CSF2RB: variants seen among roughly 807,000 people sequenced by gnomAD.
CSF2RB encodes colony stimulating factor 2 receptor subunit beta, also known as cytokine receptor common subunit beta.
In CSF2RB, 22 loss-of-function variants were observed where a neutral mutation model predicts 67.2. The observed-to-expected ratio is 0.33, with a 90% CI of 0.23 to 0.47. The LOEUF is 0.47. Among genes scored for constraint, CSF2RB ranks in the 20% least tolerant of loss-of-function variants. The pLI is 1.00. For missense variants in CSF2RB, 1,113 were observed against 1,174.5 expected, an observed-to-expected ratio of 0.95 and a Z score of 0.76; for synonymous variants, 507 against 482.9, an observed-to-expected ratio of 1.05 and a Z score of -0.65.
At chr22:36,929,237 A>G (rs1941091754) in intron 4 of CSF2RB, among the ~76,000 whole-genome samples, 165 bp from the exon 5 acceptor site, 1 of 152,202 alleles carries the variant, frequency 6.6e-6, no homozygotes, top group African/African-American at 2.4e-5. Context: ...AGTTTTGCAG[A>G]TGAAGGGCTG....
In CSF2RB at chr22:36,939,795, T is replaced by A. The variant is rs188287231; in HGVS notation, c.*1293T>A. 6.4e-6 allele frequency: 1 copy of A among 155,246 alleles called. No homozygotes were observed. Among genetic ancestry groups the A allele is most frequent in the South Asian group, 1.9e-4 (1 of 5,130 alleles). The allele number at this position is 155,246 out of a possible 1,614,324, so 9.6% of individuals were successfully genotyped here. On this transcript the variant is annotated 3_prime_UTR_variant, in exon 14 of 14. Transcript: ENST00000403662. ...TTATAATGTTGTATATGAGGTTTTA[T>A]GGTGTATGAATATGAATGCTTCTGT...
intron 1 of CSF2RB, among the ~76,000 whole-genome samples, chr22:36,918,757 C>T (rs1310568835): frequency 6.6e-6 from 1 of 152,164 alleles, no homozygotes; most frequent in African/African-American, 2.4e-5. Flanking sequence ...TTTCTTTTTC[C>T]CAGCATATAA....
intron 3 of CSF2RB, among the ~76,000 whole-genome samples, chr22:36,924,037 A>G (rs1041380180): frequency 1.3e-5 from 2 of 152,172 alleles, no homozygotes; most frequent in African/African-American, 4.8e-5. Flanking sequence ...GTAATTAAAT[A>G]GCTGGAACCA....
intron 9 of CSF2RB, 110 bp downstream of exon 9, chr22:36,933,014 G>A (rs184174706): frequency 1.5e-6 from 2 of 1,356,738 alleles, no homozygotes; most frequent in Non-Finnish European, 1.0e-6. Context: ...GGTGACCAGT[G>A]AGAGGTAGCC....
At chr22:36,914,079 C>G (rs530848244) in intron 1 of CSF2RB, among the ~76,000 whole-genome samples, 1 of 152,228 alleles carries the variant, frequency 6.6e-6, no homozygotes, top group South Asian at 2.1e-4. Context: ...CCTGTCCACC[C>G]TGGGCTTCTG....
At position 36,930,751 on chromosome 22, in the gene CSF2RB, C is replaced by A; in HGVS notation, c.933C>A (p.Pro311=). Residue 311 remains proline, a synonymous_variant, in exon 8 of 14, where the codon CCC becomes CCA. Transcript: ENST00000403662. ...GGCACCACTGCCAGATTCCCGTGCC[C>A]GACCCCGCGACCCACGGCCAATACA... ...HTRHHCQIPV[P]DPATHGQYIV... 1 of 1,613,914 alleles carries A rather than the reference C, an allele frequency of 6.2e-7. No homozygotes were observed. Among genetic ancestry groups the A allele is most frequent in the Non-Finnish European group, 8.5e-7 (1 of 1,180,024 alleles).
chr22:36,935,714 T>C (rs1569138842), intron 12 of CSF2RB, 27 bp downstream of exon 12: 1 of 1,603,900 alleles, frequency 6.2e-7, no homozygotes, highest in African/African-American at 1.3e-5. Flanking sequence ...AGGGGCGGAG[T>C]GGGGGCTTCT....
chr22:36,915,246 G>A (rs1235065780), intron 1 of CSF2RB, among the ~76,000 whole-genome samples: 2 of 151,914 alleles, frequency 1.3e-5, no homozygotes, highest in East Asian at 3.9e-4. Flanking sequence ...CACCACACGT[G>A]GCTAATTTTT....
chr22:36,922,177 G>A lies in CSF2RB; in HGVS notation c.-31G>A, dbSNP rs1940888891. 1.3e-6 allele frequency: 2 copies of A among 1,557,082 alleles called. No individual in the cohort carries two copies. The highest frequency in any genetic ancestry group is 2.7e-5 in the African/African-American group (2 of 73,748). On this transcript the variant is annotated 5_prime_UTR_variant, in exon 2 of 14. The change creates a premature stop within an existing upstream ORF in the 5' untranslated region. Transcript: ENST00000403662. The stretch of plus-strand genomic sequence containing the variant: ...CCCATGGCCAGCACCCACCAGTGCT[G>A]GTGCCTGCCTGTCCAGAGCTGACCA...
intron 9 of CSF2RB, 131 bp from the exon 10 acceptor site, chr22:36,933,701 G>C: frequency 7.9e-7 from 1 of 1,269,710 alleles, no homozygotes; most frequent in Non-Finnish European, 1.1e-6. Flanking sequence ...ACGGTGGTGA[G>C]AGAGAAGCCG....
intron 1 of CSF2RB, among the ~76,000 whole-genome samples, 197 bp from the exon 2 acceptor site, chr22:36,921,839 C>T (rs1940878415): frequency 6.6e-6 from 1 of 152,188 alleles, no homozygotes; most frequent in South Asian, 2.1e-4. Context: ...GCGCATTGTG[C>T]AGTGGTAGGT....
intron 3 of CSF2RB, chr22:36,923,890 C>A: frequency 2.4e-6 from 2 of 840,062 alleles, no homozygotes; most frequent in Non-Finnish European, 3.4e-6. Flanking sequence ...GGAGGGGGCT[C>A]CGCGCTCTCC....
At chr22:36,915,480 T>A (rs1211969307) in intron 1 of CSF2RB, among the ~76,000 whole-genome samples, 1 of 151,618 alleles carries the variant, frequency 6.6e-6, no homozygotes, top group African/African-American at 2.4e-5. Flanking sequence ...TTGGAATATT[T>A]CCAAATTTCT....
intron 1 of CSF2RB, among the ~76,000 whole-genome samples, chr22:36,914,155 C>T (rs1225806441): frequency 6.6e-6 from 1 of 152,096 alleles, no homozygotes; most frequent in Admixed American, 6.5e-5. Context: ...AGAGAGAGAA[C>T]GCATGCTCGT....
At chr22:36,926,200 C>A in intron 4 of CSF2RB, 23 bp downstream of exon 4, 2 of 1,612,348 alleles carry the variant, frequency 1.2e-6, no homozygotes, top group Middle Eastern at 1.8e-4. Context: ...GGGCCCTGCC[C>A]GGGGCTTGGT....
chr22:36,930,573 C>A, intron 7 of CSF2RB, 63 bp downstream of exon 7: 2 of 1,611,578 alleles, frequency 1.2e-6, no homozygotes, highest in African/African-American at 1.3e-5. Context: ...AAGCTTCCTC[C>A]TGTCCCTGGG....
intron 1 of CSF2RB, among the ~76,000 whole-genome samples, chr22:36,915,419 T>A (rs1486761290): frequency 1.8e-5 from 2 of 108,976 alleles, no homozygotes; most frequent in Non-Finnish European, 4.3e-5. Flanking sequence ...GGGATTATTT[T>A]ATTTATATAT....
chr22:36,939,150 G>A lies in CSF2RB; in HGVS notation c.*648G>A, dbSNP rs1941337213. The A allele has an allele frequency of 1.1e-5, 8 of 702,304 alleles. No individual in the cohort carries two copies. The Admixed American group carries it at 1.2e-4, about 11-fold the overall frequency. 43.5% of individuals were successfully genotyped at this position (702,304 alleles called of 1,614,324 possible). On this transcript the variant is annotated 3_prime_UTR_variant, in exon 14 of 14. Transcript: ENST00000403662. The stretch of plus-strand genomic sequence containing the variant: ...TGGGGGTCGGGGGGGCGGTGCAAGG[G>A]ACGCACATGAGAGACTGTTTGGGAG...
Position 36,938,133 on chromosome 22 carries a change from GT to G in CSF2RB, c.2326del (p.Ser776ProfsTer19). On this transcript the variant is annotated frameshift_variant, in exon 14 of 14. Coordinates refer to ENST00000403662, the MANE Select transcript of CSF2RB (RefSeq NM_000395.3). LOFTEE classifies it low-confidence loss of function (END_TRUNC). ...TGGAGCTCCCTCCAATTGAGGGCCG[GT>G]CCCCCAGGTCACCAAGGAACAATCC... ...YVELPPIEGR[S>X]PRSPRNNPVP... 1 of 1,614,034 alleles carries G rather than the reference GT, an allele frequency of 6.2e-7. No individual in the cohort carries two copies. Among genetic ancestry groups the G allele is most frequent in the Non-Finnish European group, 8.5e-7 (1 of 1,179,968 alleles).
Sources: allele counts gnomAD v4.1 joint callset (sites outside exome capture counted in the v4.1 genomes callset), GRCh38; gene constraint gnomAD v4.1.1; transcripts MANE v1.5; gene names NCBI Gene and HGNC (gene_info 2026-07-23, HGNC 2026-07-21).